UBE3A: variants seen among roughly 807,000 people sequenced by gnomAD.
The protein encoded by UBE3A is ubiquitin-protein ligase E3A.
UBE3A carries 6 observed loss-of-function variants against 83.4 expected under a neutral mutation model. The observed-to-expected ratio is 0.07, with a 90% CI of 0.04 to 0.14. The LOEUF is 0.14. UBE3A is among the 10% of genes least tolerant of loss of function. UBE3A has a pLI of 1.00. For synonymous variants in UBE3A, 337 were observed against 355.4 expected (o/e 0.95, Z 0.58); for missense variants, 456 against 1,036.1 (o/e 0.44, Z 7.69).
chr15:25,381,291 A>C (rs1039484982), intron 4 of UBE3A, among the ~76,000 whole-genome samples: 1 of 152,218 alleles, frequency 6.6e-6, no homozygotes, highest in Non-Finnish European at 1.5e-5. Flanking sequence ...ATGAATTTAC[A>C]AGACAACTGG....
chr15:25,356,970 CTT>C (rs1323459049), intron 7 of UBE3A, 74 bp from the exon 8 acceptor site: 13 of 1,278,430 alleles, frequency 1.0e-5, no homozygotes, highest in South Asian at 2.6e-5. Flanking sequence ...CAAATATAAA[CTT>C]AAAATAATTA....
Position 25,356,886 on chromosome 15 carries a change from T to A in UBE3A, c.1764A>T (p.Thr588=), listed in dbSNP as rs770078054. 1 of 1,613,038 alleles carries A rather than the reference T, an allele frequency of 6.2e-7. No homozygotes were observed. Among genetic ancestry groups the A allele is most frequent in the Admixed American group, 1.7e-5 (1 of 60,016 alleles). The part of the protein sequence containing the change: ...EIFNPDIGMF[T]YDESTKLFWF... ...AAAACAATTTTGTAGATTCATCGTA[T>A]GTGAACATACCTATAAGAAATGATT... is the stretch of plus-strand genomic sequence containing the variant. The change falls in exon 8 of 13, where the codon ACA becomes ACT. Residue 588 remains threonine (T), a synonymous_variant. Transcript: ENST00000648336.
At chr15:25,413,585 A>C (rs1189166636) in intron 1 of UBE3A, among the ~76,000 whole-genome samples, 2 of 152,156 alleles carry the variant, frequency 1.3e-5, no homozygotes, top group African/African-American at 4.8e-5. Flanking sequence ...TTAAGACTTA[A>C]AAAGTTTTAA....
In UBE3A at chr15:25,336,444, G is replaced by C. The variant is rs2073964221; in HGVS notation, c.*2693C>G. 1 of 152,212 alleles carries C rather than the reference G, an allele frequency of 6.6e-6. No individual in the cohort carries two copies. The allele number at this position is 152,212 out of a possible 1,614,324, so 9.4% of individuals were successfully genotyped here. On this transcript the variant is annotated 3_prime_UTR_variant, in exon 13 of 13. Coordinates refer to ENST00000648336, the MANE Select transcript of UBE3A (RefSeq NM_130839.5). ...GTCATGTTTTTAATGGGAATAGGGA[G>C]TGATGCTGCCCCATTACAACCATCT...
At chr15:25,344,218 A>G (rs1277832585) in intron 11 of UBE3A, among the ~76,000 whole-genome samples, 1 of 152,214 alleles carries the variant, frequency 6.6e-6, no homozygotes, top group Non-Finnish European at 1.5e-5. Flanking sequence ...CTCGATGCCC[A>G]TAAATATTGA....
intron 4 of UBE3A, among the ~76,000 whole-genome samples, chr15:25,397,440 T>C (rs2085844254): frequency 2.0e-5 from 3 of 152,148 alleles, no homozygotes; most frequent in Non-Finnish European, 4.4e-5. Context: ...CTCATCCTCC[T>C]AACCTCTTCC....
In UBE3A at chr15:25,338,362, C is replaced by T. The variant is rs918842530; in HGVS notation, c.*775G>A. 21 of 152,022 alleles carry T rather than the reference C, an allele frequency of 1.4e-4. No individual in the cohort carries two copies. The highest frequency in any genetic ancestry group is 2.5e-4 in the Non-Finnish European group (17 of 67,982). The allele number at this position is 152,022 out of a possible 1,614,324, so 9.4% of individuals were successfully genotyped here. On this transcript the variant is annotated 3_prime_UTR_variant, in exon 13 of 13. Transcript: ENST00000648336. ...ACAAAAATCCCTGTCCTTTCATATA[C>T]TAAGAAAGAGGATTGGCTACTGAAA... is the stretch of plus-strand genomic sequence containing the variant.
At position 25,375,484 on chromosome 15, in the gene UBE3A, G is replaced by T. The variant is rs142726511; in HGVS notation, c.342C>A (p.Gly114=). The T allele has an allele frequency of 2.0e-5, 33 of 1,613,906 alleles. No homozygotes were observed. The highest frequency in any genetic ancestry group is 2.5e-5 in the Non-Finnish European group (30 of 1,180,020). The change falls in exon 5 of 13, where the codon GGC becomes GGA. Residue 114 remains glycine (G), a synonymous_variant. Coordinates refer to ENST00000648336, the MANE Select transcript of UBE3A (RefSeq NM_130839.5). ...TCTTACCTTTAAAATCAATTCTAGC[G>T]CCTTTCTTGTTCATTTTTATCTCAG... ...SCSEIKMNKK[G]ARIDFKDVTY...
At chr15:25,339,292 T>A (rs775720559) in intron 12 of UBE3A, 35 bp from the exon 13 acceptor site, 1 of 1,605,562 alleles carries the variant, frequency 6.2e-7, no homozygotes, top group Non-Finnish European at 8.5e-7. Flanking sequence ...ACAGGAAAAC[T>A]GTAAGTCATG....
At chr15:25,359,303 A>C (rs1004450820) in intron 7 of UBE3A, among the ~76,000 whole-genome samples, 1 of 152,192 alleles carries the variant, frequency 6.6e-6, no homozygotes, top group Non-Finnish European at 1.5e-5. Context: ...ATAATTTTCT[A>C]TCTCAAAAAG....
intron 4 of UBE3A, among the ~76,000 whole-genome samples, chr15:25,402,772 C>G (rs745735193): frequency 2.0e-5 from 3 of 152,178 alleles, no homozygotes; most frequent in Non-Finnish European, 4.4e-5. Context: ...CCTTCTTACC[C>G]TTTTCAATGT....
chr15:25,347,706 A>AAAAC (rs541519871), intron 11 of UBE3A, among the ~76,000 whole-genome samples: 7 of 152,164 alleles, frequency 4.6e-5, no homozygotes, highest in South Asian at 4.2e-4. Flanking sequence ...TCTCGAAACA[A>AAAAC]AAACAAACAA....
chr15:25,396,903 T>C (rs527265271), intron 4 of UBE3A, among the ~76,000 whole-genome samples: 1 of 152,260 alleles, frequency 6.6e-6, no homozygotes, highest in South Asian at 2.1e-4. Flanking sequence ...ATTCAAGGCG[T>C]TACTTAAAAT....
At chr15:25,380,408 G>C (rs763475071) in intron 4 of UBE3A, among the ~76,000 whole-genome samples, 1 of 152,028 alleles carries the variant, frequency 6.6e-6, no homozygotes, top group East Asian at 1.9e-4. Flanking sequence ...GAAAATGTTT[G>C]CCAACCCTTA....
At chr15:25,350,738 ACTACT>A (rs1172062983) in intron 11 of UBE3A, among the ~76,000 whole-genome samples, 1 of 152,208 alleles carries the variant, frequency 6.6e-6, no homozygotes, top group African/African-American at 2.4e-5. Context: ...ATAATGCAAC[ACTACT>A]CTATAATTTT....
In UBE3A at chr15:25,356,766, T is replaced by C. The variant is rs774618110; in HGVS notation, c.1884A>G (p.Val628=). Residue 628 remains valine, a synonymous_variant, in exon 8 of 13, where the codon GTA becomes GTG. Coordinates refer to ENST00000648336, the MANE Select transcript of UBE3A (RefSeq NM_130839.5). ...TCCTGTAGACAACCATGGGAAAATG[T>C]ACATCCAGTATACAGTTATTGTAAA... ...LAIYNNCILD[V]HFPMVVYRKL... 6.2e-7 allele frequency: 1 copy of C among 1,613,846 alleles called. No homozygotes were observed. The highest frequency in any genetic ancestry group is 1.1e-5 in the South Asian group (1 of 91,070).
At chr15:25,355,842 T>C in intron 9 of UBE3A, 50 bp downstream of exon 9, 1 of 1,545,834 alleles carries the variant, frequency 6.5e-7, no homozygotes, top group Non-Finnish European at 8.9e-7. Flanking sequence ...GCATACATGC[T>C]TTGAAAGTGT....
At position 25,336,341 on chromosome 15, in the gene UBE3A, GGAC is replaced by G. The variant is rs1025889436; in HGVS notation, c.*2793_*2795del. 1.4e-4 allele frequency: 22 copies of G among 152,262 alleles called. No individual in the cohort carries two copies. Among genetic ancestry groups the G allele is most frequent in the African/African-American group, 5.1e-4 (21 of 41,554 alleles). 9.4% of individuals were successfully genotyped at this position (152,262 alleles called of 1,614,324 possible). A position where few individuals can be genotyped will look rare whatever the true frequency, so the allele number is the denominator to read the frequency against. On this transcript the variant is annotated 3_prime_UTR_variant, in exon 13 of 13. Transcript: ENST00000648336. ...CAAGACTACACAGGGACTAGTCTTG[GGAC>G]GACATTTCTTCCTCTGACAGTTTGT...
At chr15:25,364,632 GTTTTTTTTGTTTGTTTTTTT>G (rs1393045859) in intron 6 of UBE3A, among the ~76,000 whole-genome samples, 2 of 121,176 alleles carry the variant, frequency 1.7e-5, no homozygotes, top group African/African-American at 7.2e-5. Flanking sequence ...GATTTTTAGG[GTTTTTTTTGTTTGTTTTTTT>G]TTTTTTTTTG....
Sources: allele counts gnomAD v4.1 joint callset (sites outside exome capture counted in the v4.1 genomes callset), GRCh38; gene constraint gnomAD v4.1.1; transcripts MANE v1.5; gene names NCBI Gene and HGNC (gene_info 2026-07-23, HGNC 2026-07-21).